Variants in PPP1R1C observed in about 807,000 individuals in gnomAD.
PPP1R1C encodes the protein protein phosphatase 1 regulatory inhibitor subunit 1C, also known as protein phosphatase 1 regulatory subunit 1C.
PPP1R1C carries 15 observed loss-of-function variants against 17.4 expected under a neutral mutation model. The observed-to-expected ratio is 0.86, with a 90% confidence interval of 0.58 to 1.33. The LOEUF is 1.33. Ranked by LOEUF, PPP1R1C falls within the 40% of genes most tolerant of loss-of-function variation. The pLI is 0.00. For missense variants in PPP1R1C, 143 were observed against 130.0 expected (o/e 1.10, Z -0.48); for synonymous variants, 35 against 43.1 (o/e 0.81, Z 0.73).
At chr2:182,089,020 T>G (rs945617780) in intron 4 of PPP1R1C, among the ~76,000 whole-genome samples, 8 of 152,152 alleles carry the variant, frequency 5.3e-5, no homozygotes, top group Admixed American at 2.6e-4. Context: ...TAAATAGAAA[T>G]TTGGACCTTC....
intron 4 of PPP1R1C, among the ~76,000 whole-genome samples, chr2:182,100,329 A>G (rs1166403389): frequency 6.6e-6 from 1 of 151,860 alleles, no homozygotes; most frequent in Middle Eastern, 3.2e-3. Context: ...AGCCAACATG[A>G]TGAAACCCCA....
chr2:182,127,774 A>G (rs144829841), intron 5 of PPP1R1C, among the ~76,000 whole-genome samples: 6 of 152,216 alleles, frequency 3.9e-5, no homozygotes, highest in African/African-American at 7.2e-5. Context: ...TAGGGTTCTC[A>G]TAGTGAAAGT....
At chr2:182,008,309 A>G (rs561336565) in intron 2 of PPP1R1C, among the ~76,000 whole-genome samples, 1 of 152,188 alleles carries the variant, frequency 6.6e-6, no homozygotes, top group South Asian at 2.1e-4. Flanking sequence ...CATTATATTC[A>G]CTGTTTTAAA....
At chr2:182,124,699 C>G (rs540437462) in intron 5 of PPP1R1C, among the ~76,000 whole-genome samples, 2 of 152,100 alleles carry the variant, frequency 1.3e-5, no homozygotes, top group South Asian at 2.1e-4. Flanking sequence ...CTCTGTTTGT[C>G]TATTATTGGT....
chr2:181,997,240 A>G (rs1685640035), intron 2 of PPP1R1C, among the ~76,000 whole-genome samples: 2 of 151,886 alleles, frequency 1.3e-5, no homozygotes, highest in Admixed American at 6.6e-5. Context: ...AAAAAAAAAA[A>G]AAAAAGAAAA....
intron 2 of PPP1R1C, among the ~76,000 whole-genome samples, chr2:182,025,248 T>A (rs1193345100): frequency 2.0e-5 from 3 of 147,404 alleles, no homozygotes; most frequent in Admixed American, 2.0e-4. Flanking sequence ...AGGGTACATG[T>A]GCACATTGTG....
chr2:181,995,059 TA>T (rs1685575495), intron 2 of PPP1R1C, among the ~76,000 whole-genome samples: 1 of 152,184 alleles, frequency 6.6e-6, no homozygotes, highest in African/African-American at 2.4e-5. Flanking sequence ...TTCTAGGGGA[TA>T]AAACAGGTAA....
At chr2:182,123,538 C>A (rs192372609) in intron 5 of PPP1R1C, among the ~76,000 whole-genome samples, 6 of 152,122 alleles carry the variant, frequency 3.9e-5, no homozygotes, top group Admixed American at 3.9e-4. Context: ...TTTTAATGAT[C>A]GCCATTTTAA....
At chr2:182,107,158 G>A (rs187053277) in intron 4 of PPP1R1C, among the ~76,000 whole-genome samples, 179 of 152,260 alleles carry the variant, frequency 1.2e-3, no homozygotes, top group Middle Eastern at 3.4e-3. Context: ...TACATTGCCA[G>A]GGGAAAATGA....
At chr2:181,986,382 T>A (rs949690230) in intron 1 of PPP1R1C, among the ~76,000 whole-genome samples, 191 bp downstream of exon 1, 9 of 152,228 alleles carry the variant, frequency 5.9e-5, no homozygotes, top group Non-Finnish European at 8.8e-5. Flanking sequence ...TTGTCTAAAA[T>A]GTAACACTTC....
At chr2:182,007,150 A>G (rs1345118720) in intron 2 of PPP1R1C, among the ~76,000 whole-genome samples, 2 of 152,182 alleles carry the variant, frequency 1.3e-5, no homozygotes, top group African/African-American at 2.4e-5. Flanking sequence ...TTTTGAACCT[A>G]TGAAATTAAG....
chr2:182,076,125 T>G lies in PPP1R1C; in HGVS notation c.241+12334T>G, dbSNP rs183882670. ...CTGTGATTGTAGGAATTAGTCTGGATCTTTTAGAACAGTTCTTAATATCTC... is the reference window on the plus strand; with the variant it reads ...CTGTGATTGTAGGAATTAGTCTGGAGCTTTTAGAACAGTTCTTAATATCTC... On this transcript the variant is annotated intron_variant, in intron 4 of 4. Transcript: ENST00000682840. Among the ~76,000 whole-genome samples the G allele has an allele frequency of 2.9e-3, 430 of 150,764 alleles. 4 individuals carry two copies. The highest frequency in any genetic ancestry group is 4.7e-3 in the Non-Finnish European group (320 of 67,658).
upstream of PPP1R1C, among the ~76,000 whole-genome samples, chr2:181,983,061 G>T (rs1264577610): frequency 2.0e-5 from 3 of 152,092 alleles, no homozygotes; most frequent in Non-Finnish European, 4.4e-5. Context: ...TAGTATCCTA[G>T]TCATGCTACT....
intron 2 of PPP1R1C, among the ~76,000 whole-genome samples, chr2:182,029,244 A>T: frequency 6.7e-6 from 1 of 149,728 alleles, no homozygotes; most frequent in African/African-American, 2.5e-5. Flanking sequence ...TGTGAATTTG[A>T]TCCTGTCATT....
chr2:182,024,885 C>T (rs527373410), intron 2 of PPP1R1C, among the ~76,000 whole-genome samples: 3 of 146,824 alleles, frequency 2.0e-5, no homozygotes, highest in Admixed American at 6.7e-5. Context: ...AACAAACAAA[C>T]AAACAAAAAT....
At chr2:182,072,208 G>C (rs1688160752) in intron 4 of PPP1R1C, among the ~76,000 whole-genome samples, 1 of 152,116 alleles carries the variant, frequency 6.6e-6, no homozygotes, top group African/African-American at 2.4e-5. Context: ...TACTAGAATA[G>C]GCAGATGCCA....
chr2:182,110,496 A>ATTATGTGACTGGGGCATAC (rs1689385371), intron 4 of PPP1R1C, among the ~76,000 whole-genome samples: 2 of 152,112 alleles, frequency 1.3e-5, no homozygotes. Context: ...GGGTGATTGA[A>ATTATGTGACTGGGGCATAC]TTATGTGACT....
At chr2:181,988,350 C>T (rs771105763) in intron 2 of PPP1R1C, among the ~76,000 whole-genome samples, 11 of 152,238 alleles carry the variant, frequency 7.2e-5, no homozygotes, top group South Asian at 2.1e-4. Context: ...TTGCTGATGA[C>T]GTCATCTCTG....
intron 4 of PPP1R1C, among the ~76,000 whole-genome samples, chr2:182,100,718 T>C (rs762934415): frequency 1.5e-4 from 23 of 152,172 alleles, no homozygotes; most frequent in Middle Eastern, 3.2e-3. Flanking sequence ...ATTCCCTTTG[T>C]TCCCTTTGTT....
Sources: gnomAD v4.1 joint callset for allele counts (sites outside exome capture counted in the v4.1 genomes callset) on GRCh38, gnomAD v4.1.1 for gene constraint, MANE v1.5 for transcripts, NCBI Gene and HGNC (gene_info 2026-07-23, HGNC 2026-07-21) for gene names.